Variants in UBE2E2 observed in about 807,000 individuals in gnomAD.
The protein encoded by UBE2E2 is ubiquitin-conjugating enzyme E2 E2.
A neutral mutation model predicts 24.7 loss-of-function variants in UBE2E2; 6 were observed. The ratio of observed to expected loss-of-function variants is 0.24; its 90% CI spans 0.13 to 0.48. The LOEUF (loss-of-function observed/expected upper bound fraction) is 0.48, where lower values mean the gene tolerates loss of function less well. Among genes scored for constraint, UBE2E2 ranks in the 20% least tolerant of loss-of-function variants. The pLI is 0.99. For missense variants in UBE2E2, 169 were observed against 245.0 expected (o/e 0.69, Z 2.07); for synonymous variants, 104 against 83.6 (o/e 1.24, Z -1.33).
At chr3:23,523,230 C>T (rs1338074962) in intron 4 of UBE2E2, among the ~76,000 whole-genome samples, 1 of 152,118 alleles carries the variant, frequency 6.6e-6, no homozygotes, top group African/African-American at 2.4e-5. Context: ...AAGCATCCTG[C>T]GCTGTAGGAG....
chr3:23,477,215 C>A (rs759052830), intron 3 of UBE2E2, among the ~76,000 whole-genome samples: 9 of 152,150 alleles, frequency 5.9e-5, no homozygotes, highest in Non-Finnish European at 1.2e-4. Context: ...CTAAATAATA[C>A]TACACTTCAC....
At chr3:23,356,582 G>C (rs1265954448) in intron 3 of UBE2E2, among the ~76,000 whole-genome samples, 1 of 152,026 alleles carries the variant, frequency 6.6e-6, no homozygotes, top group East Asian at 1.9e-4. Flanking sequence ...TGCATTCCTT[G>C]ACTCAACTTC....
At chr3:23,381,138 C>G (rs1696659377) in intron 3 of UBE2E2, among the ~76,000 whole-genome samples, 1 of 152,062 alleles carries the variant, frequency 6.6e-6, no homozygotes, top group African/African-American at 2.4e-5. Context: ...TATAAATCTG[C>G]CTTTTGATAT....
chr3:23,586,106 A>G (rs1040636744), intron 5 of UBE2E2, among the ~76,000 whole-genome samples: 2 of 152,192 alleles, frequency 1.3e-5, no homozygotes, highest in Non-Finnish European at 2.9e-5. Flanking sequence ...ACTGAGCTGA[A>G]TCTTTATGTG....
At chr3:23,334,304 AT>A (rs112790988) in intron 3 of UBE2E2, among the ~76,000 whole-genome samples, 58 of 149,044 alleles carry the variant, frequency 3.9e-4, no homozygotes, top group African/African-American at 7.1e-4. Flanking sequence ...GATTTATTGT[AT>A]TTTTTTTTTG....
chr3:23,287,285 T>C (rs1698641668), intron 3 of UBE2E2, among the ~76,000 whole-genome samples: 2 of 152,182 alleles, frequency 1.3e-5, no homozygotes, highest in African/African-American at 4.8e-5. Flanking sequence ...TTGGCCATGA[T>C]AAAATGATCT....
In UBE2E2 at chr3:23,342,126, T is replaced by G. The variant is rs556896760; in HGVS notation, c.227+124814T>G. Among the ~76,000 whole-genome samples the G allele has an allele frequency of 3.3e-5, 5 of 152,196 alleles. No homozygotes were observed. The South Asian group carries it at 1.0e-3, about 32-fold the overall frequency. ...GGAAAGCTATTGACAGAAACACTAT[T>G]TATTTCTGTCTAGCTAAAAAGAGGA... On this transcript the variant is annotated intron_variant, in intron 3 of 5. Coordinates refer to ENST00000396703, the MANE Select transcript of UBE2E2 (RefSeq NM_152653.4).
intron 5 of UBE2E2, among the ~76,000 whole-genome samples, chr3:23,546,557 C>G (rs1210900290): frequency 2.0e-5 from 3 of 149,750 alleles, no homozygotes; most frequent in African/African-American, 2.5e-5. Context: ...CACCACAACC[C>G]CCACCTCCCA....
In UBE2E2 at chr3:23,255,079, CTTTTTTT is replaced by C. The variant is rs202015038; in HGVS notation, c.227+37786_227+37792del. On this transcript the variant is annotated intron_variant, in intron 3 of 5. Coordinates refer to ENST00000396703, the MANE Select transcript of UBE2E2 (RefSeq NM_152653.4). ...TGAGATCAGTTTAAGGAGTAACTTC[CTTTTTTT>C]TTTTTTTTTTTTTTTTTTGAGACAG... 7.7e-3 allele frequency among the ~76,000 whole-genome samples: 665 copies of C among 85,980 alleles called. 10 individuals are homozygous for C. The highest frequency in any genetic ancestry group is 0.032 in the African/African-American group (611 of 19,182). 56.4% of individuals were successfully genotyped at this position (85,980 alleles called of 152,430 possible). A position where few individuals can be genotyped will look rare whatever the true frequency, so the allele number is the denominator to read the frequency against.
At chr3:23,578,632 C>T (rs1696399610) in intron 5 of UBE2E2, among the ~76,000 whole-genome samples, 1 of 152,124 alleles carries the variant, frequency 6.6e-6, no homozygotes, top group Admixed American at 6.5e-5. Flanking sequence ...TTTGCATGGA[C>T]ATGGATGGTG....
At chr3:23,288,716 C>T (rs184575117) in intron 3 of UBE2E2, among the ~76,000 whole-genome samples, 22 of 152,170 alleles carry the variant, frequency 1.4e-4, no homozygotes, top group African/African-American at 5.1e-4. Flanking sequence ...GTCTGTATAG[C>T]TGCTCATGCT....
rs750701695 is a variant in UBE2E2, at chr3:23,407,427, G to GT, written c.228-92175dup. ...TCTTGACATCTTGATTAATTGGAGG[G>GT]TTTTTTCTGAAATATTTTAAACTTT... On this transcript the variant is annotated intron_variant, in intron 3 of 5. Coordinates refer to ENST00000396703, the MANE Select transcript of UBE2E2 (RefSeq NM_152653.4). This position sits in a 1 kb window ranked among gnomAD's most constrained non-coding sequence, Gnocchi z 4.0. Among the ~76,000 whole-genome samples the GT allele has an allele frequency of 2.0e-5, 3 of 152,026 alleles. No homozygotes were observed. The highest frequency in any genetic ancestry group is 7.2e-5 in the African/African-American group (3 of 41,392).
chr3:23,557,024 C>T (rs868199340), intron 5 of UBE2E2, among the ~76,000 whole-genome samples: 1 of 152,140 alleles, frequency 6.6e-6, no homozygotes, highest in South Asian at 2.1e-4. Flanking sequence ...TATCACCAAA[C>T]TCCTAAAGGA....
intron 3 of UBE2E2, among the ~76,000 whole-genome samples, chr3:23,282,132 C>A (rs1698503495): frequency 6.6e-6 from 1 of 152,210 alleles, no homozygotes; most frequent in South Asian, 2.1e-4. Context: ...CCTTTCGTCT[C>A]TTCTGTATTA....
intron 3 of UBE2E2, among the ~76,000 whole-genome samples, chr3:23,276,277 A>G (rs2125367768): frequency 6.6e-6 from 1 of 152,284 alleles, no homozygotes; most frequent in South Asian, 2.1e-4. Context: ...TGGAAAAAAT[A>G]CACTTCATTT....
At chr3:23,535,087 C>G (rs1472710075) in intron 5 of UBE2E2, among the ~76,000 whole-genome samples, 1 of 152,158 alleles carries the variant, frequency 6.6e-6, no homozygotes, top group African/African-American at 2.4e-5. Flanking sequence ...TATTTGTAGA[C>G]AGCAGATGTA....
At chr3:23,352,413 A>G (rs1695781627) in intron 3 of UBE2E2, among the ~76,000 whole-genome samples, 1 of 152,222 alleles carries the variant, frequency 6.6e-6, no homozygotes, top group Admixed American at 6.5e-5. Flanking sequence ...TAGAGACACA[A>G]AAAACCCTTC....
intron 3 of UBE2E2, among the ~76,000 whole-genome samples, chr3:23,404,746 CTG>C (rs1186037013): frequency 6.6e-6 from 1 of 152,158 alleles, no homozygotes; most frequent in African/African-American, 2.4e-5. Flanking sequence ...TAATCGCTAA[CTG>C]TAGCGTTTAA....
intron 3 of UBE2E2, among the ~76,000 whole-genome samples, chr3:23,348,997 C>A (rs12630883): frequency 0.27 from 41,563 of 152,032 alleles, 5,824 homozygotes; most frequent in East Asian, 0.36. Flanking sequence ...ACCACCCCCC[C>A]ACCACCTCCC....
Sources: gnomAD v4.1 joint callset for allele counts (sites outside exome capture counted in the v4.1 genomes callset) on GRCh38, gnomAD v4.1.1 for gene constraint, Gnocchi (gnomAD v3.1) non-coding constraint, MANE v1.5 for transcripts, NCBI Gene and HGNC (gene_info 2026-07-23, HGNC 2026-07-21) for gene names.